Variants in FBN3 observed in about 807,000 individuals in gnomAD.
The protein encoded by FBN3 is fibrillin-3.
In FBN3, 234 loss-of-function variants were observed where a neutral mutation model predicts 330.1. The observed-to-expected ratio is 0.71, with a 90% CI of 0.64 to 0.79. FBN3 has a LOEUF of 0.79. FBN3 is among the 30% of genes least tolerant of loss of function. The pLI, the probability that FBN3 is intolerant of heterozygous loss-of-function variation, is 0.00. For missense variants in FBN3, 3,606 were observed against 3,886.9 expected (o/e 0.93, Z 1.92); for synonymous variants, 1,458 against 1,517.3 (o/e 0.96, Z 0.91).
At chr19:8,076,247 CGTGTGTGT>C (rs34549426) in intron 59 of FBN3, among the ~76,000 whole-genome samples, 2 of 147,756 alleles carry the variant, frequency 1.4e-5, no homozygotes, top group Non-Finnish European at 3.0e-5. Flanking sequence ...TGTCCGTGTG[CGTGTGTGT>C]GTGTGTGTGT....
intron 13 of FBN3, 25 bp downstream of exon 13, chr19:8,135,936 G>GGTCCCCCCCCC: frequency 3.0e-6 from 2 of 668,778 alleles, no homozygotes; most frequent in Non-Finnish European, 4.8e-6. Context: ...GGAAGCCCCT[G>GGTCCCCCCCCC]CCCACCCGCC....
chr19:8,126,112 G>A, intron 21 of FBN3, 95 bp from the exon 22 acceptor site: 3 of 1,561,840 alleles, frequency 1.9e-6, no homozygotes, highest in Non-Finnish European at 2.6e-6. Flanking sequence ...TGAGGAGGAA[G>A]GAAGGGGACG....
In FBN3 at chr19:8,096,301, CATT is replaced by C. The variant is rs1049142465; in HGVS notation, c.5539+140_5539+142del. 73 of 1,084,734 alleles carry C rather than the reference CATT, an allele frequency of 6.7e-5. No homozygotes were observed. In the African/African-American group the frequency reaches 1.1e-3, roughly 16 times the overall value. 67.2% of individuals were successfully genotyped at this position (1,084,734 alleles called of 1,614,324 possible). On this transcript the variant is annotated intron_variant, in intron 44 of 63. Coordinates refer to ENST00000600128, the MANE Select transcript of FBN3 (RefSeq NM_032447.5). This position sits in a 1 kb window ranked among gnomAD's most constrained non-coding sequence, Gnocchi z 4.6. ...CTGAGGCACAGGGAGGCAGATCAAC[CATT>C]TACCCAAGATCTTAATCTCAGGACC...
At chr19:8,114,438 G>A (rs761646523) in intron 30 of FBN3, among the ~76,000 whole-genome samples, 3 of 151,966 alleles carry the variant, frequency 2.0e-5, no homozygotes, top group Non-Finnish European at 2.9e-5. Context: ...TAGTAGTGAC[G>A]GGGTTTCACC....
intron 29 of FBN3, 87 bp from the exon 30 acceptor site, chr19:8,115,727 G>A: frequency 1.4e-5 from 21 of 1,483,964 alleles, no homozygotes; most frequent in Non-Finnish European, 2.0e-5. Context: ...GAGATCACCA[G>A]CATTCCTGAC....
chr19:8,126,171 G>A, intron 21 of FBN3, 126 bp downstream of exon 21: 3 of 1,408,180 alleles, frequency 2.1e-6, no homozygotes, highest in Non-Finnish European at 3.0e-6. Context: ...ACCAGGTAGG[G>A]AGAACGTCTG....
chr19:8,086,974 G>A lies in FBN3; in HGVS notation c.6754+103C>T, dbSNP rs1172504166. 8 of 1,405,284 alleles carry A rather than the reference G, an allele frequency of 5.7e-6. No homozygotes were observed. In the East Asian group the frequency reaches 1.3e-4, roughly 23 times the overall value. 87.1% of individuals were successfully genotyped at this position (1,405,284 alleles called of 1,614,324 possible). A position where few individuals can be genotyped will look rare whatever the true frequency, so the allele number is the denominator to read the frequency against. ...TCTCGCCTCAGCCTCCCAAAGTGCT[G>A]GGATGACAGGTATGAGTCACCGTGC... On this transcript the variant is annotated intron_variant, in intron 54 of 63. Coordinates refer to ENST00000600128, the MANE Select transcript of FBN3 (RefSeq NM_032447.5).
intron 47 of FBN3, among the ~76,000 whole-genome samples, chr19:8,094,021 A>C (rs896316250): frequency 2.6e-5 from 4 of 152,180 alleles, no homozygotes; most frequent in Non-Finnish European, 5.9e-5. Flanking sequence ...AGGTTAGCCC[A>C]CACTCTCTGA....
At chr19:8,110,651 A>G (rs1009174847) in intron 34 of FBN3, among the ~76,000 whole-genome samples, 194 bp downstream of exon 34, 7 of 152,206 alleles carry the variant, frequency 4.6e-5, no homozygotes, top group Admixed American at 1.3e-4. Context: ...GGCCACTTCA[A>G]TCACAGAACT....
chr19:8,108,995 T>C (rs114808006), intron 36 of FBN3, among the ~76,000 whole-genome samples: 4 of 152,112 alleles, frequency 2.6e-5, no homozygotes, highest in African/African-American at 9.7e-5. Flanking sequence ...GACTGAGTGA[T>C]CAAGTGACTA....
intron 13 of FBN3, 25 bp downstream of exon 13, chr19:8,135,936 G>GGGGGGGGGGGGGGGGGGGCCCCCCCCCC: frequency 2.4e-5 from 16 of 668,746 alleles, no homozygotes; most frequent in East Asian, 3.9e-5. Context: ...GGAAGCCCCT[G>GGGGGGGGGGGGGGGGGGGCCCCCCCCCC]CCCACCCGCC....
chr19:8,090,178 G>GA lies in FBN3; in HGVS notation c.6104_6105insT (p.Lys2036GlnfsTer8), dbSNP rs768246850. The GA allele has an allele frequency of 1.2e-6, 2 of 1,613,986 alleles. No individual in the cohort carries two copies. Among genetic ancestry groups the GA allele is most frequent in the African/African-American group, 2.7e-5 (2 of 74,906 alleles). ...TCTTACTGCAGCAGCAGCGGGTCTT[G>GA]GTGGTGTTGAAAGCTTTGGGCACCG... On this transcript the variant is annotated frameshift_variant, in exon 49 of 64. Coordinates refer to ENST00000600128, the MANE Select transcript of FBN3 (RefSeq NM_032447.5). LOFTEE classifies it high-confidence loss of function.
At chr19:8,143,138 G>T (rs60558810) in intron 6 of FBN3, among the ~76,000 whole-genome samples, 46,578 of 151,910 alleles carry the variant, frequency 0.31, 7,374 homozygotes, top group South Asian at 0.55. Context: ...CTGTGGGCTC[G>T]GTTTTTTCTG....
chr19:8,083,895 C>T (rs536467388), intron 56 of FBN3, among the ~76,000 whole-genome samples: 7 of 151,694 alleles, frequency 4.6e-5, no homozygotes, highest in Non-Finnish European at 7.4e-5. Context: ...CTCCGCCTCC[C>T]GGGTTCACGC....
chr19:8,124,036 C>A, intron 22 of FBN3, 28 bp from the exon 23 acceptor site: 2 of 1,577,386 alleles, frequency 1.3e-6, no homozygotes, highest in Non-Finnish European at 8.7e-7. Context: ...ACTGCGTCCC[C>A]ACCCCTGCCA....
Position 8,089,950 on chromosome 19 carries a change from T to C in FBN3, c.6194A>G (p.Gln2065Arg), listed in dbSNP as rs752752742. 2.7e-5 allele frequency: 44 copies of C among 1,610,564 alleles called. 1 individual carries two copies. Among genetic ancestry groups the C allele is most frequent in the Admixed American group, 1.7e-5 (1 of 59,542 alleles). ...LCPQEGSAAF[Q>R]ELCPFGHGAV... is the part of the protein sequence containing the mutation. ...CCCGTGGCCAAAGGGGCAGAGCTCC[T>C]GAAAGGCAGCTGGACGGAGAGGGGG... Residue 2065 changes from glutamine (Q) to arginine (R), a missense_variant, in exon 50 of 64, where the codon CAG becomes CGG. Coordinates refer to ENST00000600128, the MANE Select transcript of FBN3 (RefSeq NM_032447.5).
intron 41 of FBN3, among the ~76,000 whole-genome samples, chr19:8,099,574 C>T (rs1223203918): frequency 6.6e-6 from 1 of 151,854 alleles, no homozygotes; most frequent in Non-Finnish European, 1.5e-5. Context: ...GCCACCACGC[C>T]CGGCCGCCAT....
chr19:8,142,639 C>CA (rs929178914), intron 6 of FBN3, among the ~76,000 whole-genome samples: 17 of 152,144 alleles, frequency 1.1e-4, no homozygotes, highest in African/African-American at 3.6e-4. Flanking sequence ...TTGGTTCCCC[C>CA]AACCCCAGTA....
intron 25 of FBN3, among the ~76,000 whole-genome samples, chr19:8,119,813 C>CTTTTTTTTT (rs869084219): frequency 4.1e-5 from 2 of 48,782 alleles, no homozygotes; most frequent in Non-Finnish European, 6.8e-5. Flanking sequence ...CGAGCCCAGC[C>CTTTTTTTTT]TTTTTTTTTT....
Sources: allele counts gnomAD v4.1 joint callset (sites outside exome capture counted in the v4.1 genomes callset), GRCh38; gene constraint gnomAD v4.1.1; non-coding constraint Gnocchi (gnomAD v3.1); transcripts MANE v1.5; gene names NCBI Gene and HGNC (gene_info 2026-07-23, HGNC 2026-07-21).